The following WDR62 variants were observed in gnomAD, a reference collection of about 807,000 sequenced individuals.
WDR62 encodes the protein WD repeat domain 62, also known as WD repeat-containing protein 62.
In WDR62, 112 loss-of-function variants were observed where a neutral mutation model predicts 160.6. That is an observed-to-expected ratio of 0.70 (90% CI 0.60 to 0.82). The LOEUF is 0.82. WDR62 is among the 40% of genes least tolerant of loss of function. WDR62 has a pLI of 0.00. For synonymous variants in WDR62, 792 were observed against 815.1 expected, an observed-to-expected ratio of 0.97 and a Z score of 0.48; for missense variants, 1,819 against 1,983.8, an observed-to-expected ratio of 0.92 and a Z score of 1.58.
chr19:36,096,463 T>C (rs1972960734), intron 20 of WDR62, among the ~76,000 whole-genome samples: 1 of 151,846 alleles, frequency 6.6e-6, no homozygotes, highest in Non-Finnish European at 1.5e-5. Context: ...CCCAGCACTT[T>C]GGGAGGCCGA....
rs770669459 is a variant in WDR62, at chr19:36,103,226, G to A, written c.3514+19G>A. ...CCACCACGTGAGTGCCCCAGTCCCA[G>A]ACGGACAGTCCTGGGTTTCTCGGCG... On this transcript the variant is annotated intron_variant, in intron 29 of 31. Coordinates refer to ENST00000401500, the MANE Select transcript of WDR62 (RefSeq NM_001083961.2). 1 of 1,613,288 alleles carries A rather than the reference G, an allele frequency of 6.2e-7. No homozygotes were observed. The highest frequency in any genetic ancestry group is 1.1e-5 in the South Asian group (1 of 91,080).
downstream of WDR62, chr19:36,105,151 C>A: frequency 7.7e-7 from 1 of 1,292,752 alleles, no homozygotes; most frequent in Non-Finnish European, 1.1e-6. Context: ...AAGCCCTCTT[C>A]AAGTGGAAGT....
At chr19:36,072,205 A>C (rs975681427) in intron 8 of WDR62, among the ~76,000 whole-genome samples, 2 of 152,178 alleles carry the variant, frequency 1.3e-5, no homozygotes, top group African/African-American at 2.4e-5. Flanking sequence ...CACAGCAGGG[A>C]CTCGGGAAGG....
chr19:36,095,484 C>T (rs184047120), intron 20 of WDR62, among the ~76,000 whole-genome samples: 149 of 152,320 alleles, frequency 9.8e-4, no homozygotes, highest in African/African-American at 3.3e-3. Context: ...ACTCACACCA[C>T]CTGACCAGGC....
At chr19:36,056,785 C>T (rs902547041) in intron 1 of WDR62, among the ~76,000 whole-genome samples, 1 of 151,620 alleles carries the variant, frequency 6.6e-6, no homozygotes, top group Non-Finnish European at 1.5e-5. Context: ...TTCTTCCTGG[C>T]AGGTTATGAA....
intron 3 of WDR62, 72 bp from the exon 4 acceptor site, chr19:36,065,886 A>T: frequency 6.9e-7 from 1 of 1,456,246 alleles, no homozygotes; most frequent in Non-Finnish European, 9.7e-7. Flanking sequence ...GAGTCCTATC[A>T]GAGTCGCCAG....
chr19:36,069,296 G>T (rs1971144858), intron 7 of WDR62, among the ~76,000 whole-genome samples: 1 of 151,556 alleles, frequency 6.6e-6, no homozygotes, highest in Non-Finnish European at 1.5e-5. Context: ...CGGGCGGAGG[G>T]GCTCCTCACT....
chr19:36,090,361 G>C lies in WDR62; in HGVS notation c.1959-84G>C, dbSNP rs3746271. On this transcript the variant is annotated intron_variant, in intron 15 of 31. Coordinates refer to ENST00000401500, the MANE Select transcript of WDR62 (RefSeq NM_001083961.2). ...CAAGAGGTAGCAGGGGGCTTCCAGG[G>C]GAGGGGAGGACAGCAAGAGCCAGAG... The C allele has an allele frequency of 0.45, 591,823 of 1,323,810 alleles. 135,666 individuals are homozygous for C. The highest frequency in any genetic ancestry group is 0.59 in the East Asian group (25,401 of 43,310). The allele number at this position is 1,323,810 out of a possible 1,614,324, so 82.0% of individuals were successfully genotyped here. A position where few individuals can be genotyped will look rare whatever the true frequency, so the allele number is the denominator to read the frequency against.
At chr19:36,066,579 T>C in intron 5 of WDR62, 152 bp downstream of exon 5, 3 of 844,428 alleles carry the variant, frequency 3.6e-6, no homozygotes, top group Non-Finnish European at 5.7e-6. Context: ...GCTGATCCCT[T>C]ATTGTAGGGC....
chr19:36,068,611 C>T (rs770862281), intron 7 of WDR62, among the ~76,000 whole-genome samples: 2 of 152,182 alleles, frequency 1.3e-5, no homozygotes, highest in Non-Finnish European at 2.9e-5. Flanking sequence ...CATCTTGCAC[C>T]GCCCTTAATG....
Position 36,092,791 on chromosome 19 carries a change from G to C in WDR62, c.2313G>C (p.Lys771Asn). The change falls in exon 19 of 32, where the codon AAG (lysine) becomes AAC (asparagine). Residue 771 changes from lysine to asparagine, a missense_variant. Transcript: ENST00000401500. The part of the protein sequence containing the change: ...HRQQQQHTND[K>N]KRSGHPRQDT... Reference sequence around the variant, plus strand: ...AGCAGCAGCAGCACACAAATGACAAGAAGCGGAGTGGCCACCCCAGGTCCT... The same window carrying C: ...AGCAGCAGCAGCACACAAATGACAACAAGCGGAGTGGCCACCCCAGGTCCT... 1 of 1,614,090 alleles carries C rather than the reference G, an allele frequency of 6.2e-7. No individual in the cohort carries two copies. The highest frequency in any genetic ancestry group is 1.1e-5 in the South Asian group (1 of 91,086).
At chr19:36,093,278 A>G (rs910145187) in intron 19 of WDR62, among the ~76,000 whole-genome samples, 6 of 152,102 alleles carry the variant, frequency 3.9e-5, no homozygotes, top group African/African-American at 1.2e-4. Context: ...AGGGGATCTG[A>G]GGGGAGGGCT....
Position 36,067,889 on chromosome 19 carries a change from T to C in WDR62, c.761T>C (p.Ile254Thr), listed in dbSNP as rs780226596. Reference sequence around the variant, plus strand: ...ATCCTGGGCGAGCTGCACAACAACATCTTCTGTGGTGTGGCCTGCGGTCGG... The same window carrying C: ...ATCCTGGGCGAGCTGCACAACAACACCTTCTGTGGTGTGGCCTGCGGTCGG... Reference protein sequence around the residue: ...SGILGELHNNIFCGVACGRGR... With the variant: ...SGILGELHNNTFCGVACGRGR... Residue 254 changes from isoleucine (I) to threonine (T), a missense_variant, in exon 7 of 32, where the codon ATC (isoleucine) becomes ACC (threonine). Around this residue, in one of 3 missense-constraint regions of WDR62, gnomAD observed 934 missense variants for 1,157.2 expected, o/e 0.81. Transcript: ENST00000401500. 20 of 1,614,020 alleles carry C rather than the reference T, an allele frequency of 1.2e-5. No individual in the cohort carries two copies. The South Asian group carries it at 2.2e-4, about 18-fold the overall frequency.
At chr19:36,069,798 G>C (rs1002426771) in intron 7 of WDR62, among the ~76,000 whole-genome samples, 4 of 152,362 alleles carry the variant, frequency 2.6e-5, no homozygotes, top group African/African-American at 9.6e-5. Context: ...AGACCAGCCC[G>C]GCCAACACAG....
At position 36,071,662 on chromosome 19, in the gene WDR62, A is replaced by T; in HGVS notation, c.989A>T (p.Asn330Ile). ...FQAHSLHYLA[N>I]LPKPHYLGVD... ...GCCCATAGCCTGCACTACCTCGCCA[A>T]CCTGCCCAAGCCACACTACCTTGGG... The change falls in exon 8 of 32, where the codon AAC (asparagine) becomes ATC (isoleucine). Residue 330 changes from asparagine (N) to isoleucine (I), a missense_variant. Physicochemically the swap from Asn to Ile is moderately radical, Grantham distance 149 (BLOSUM62 -3). Transcript: ENST00000401500. 5.0e-6 allele frequency: 8 copies of T among 1,614,190 alleles called. No individual in the cohort carries two copies. The highest frequency in any genetic ancestry group is 6.8e-6 in the Non-Finnish European group (8 of 1,180,032).
intron 11 of WDR62, among the ~76,000 whole-genome samples, chr19:36,083,963 G>A (rs1306566173): frequency 6.6e-6 from 1 of 152,184 alleles, no homozygotes; most frequent in Non-Finnish European, 1.5e-5. Context: ...GTCACTGTAT[G>A]AGACCAGCTC....
In WDR62 at chr19:36,059,670, A is replaced by G. The variant is rs74843190; in HGVS notation, c.270-298A>G. ...GGCTGGTCTAAAACTCCTGAGCTCA[A>G]GTGATCCCTCCTGCCCCATACTCCC... On this transcript the variant is annotated intron_variant, in intron 2 of 31. Transcript: ENST00000401500. Among the ~76,000 whole-genome samples the G allele has an allele frequency of 9.1e-3, 1,388 of 152,226 alleles. 27 individuals are homozygous for G. Among genetic ancestry groups the G allele is most frequent in the African/African-American group, 0.032 (1,340 of 41,510 alleles).
chr19:36,097,221 C>A (rs1036397111), intron 21 of WDR62, 142 bp downstream of exon 21: 9 of 800,400 alleles, frequency 1.1e-5, no homozygotes, highest in African/African-American at 1.7e-5. Flanking sequence ...AGTGAGACAG[C>A]CCTTTGTTCA....
chr19:36,058,894 G>T, intron 2 of WDR62, 23 bp downstream of exon 2: 1 of 1,587,990 alleles, frequency 6.3e-7, no homozygotes, highest in South Asian at 1.1e-5. Context: ...GGGCCTCGAC[G>T]TCTAATCATT....
Sources: gnomAD v4.1 joint callset for allele counts (sites outside exome capture counted in the v4.1 genomes callset) on GRCh38, gnomAD v4.1.1 for gene constraint, gnomAD v4.1.1 regional missense constraint, MANE v1.5 for transcripts, NCBI Gene and HGNC (gene_info 2026-07-23, HGNC 2026-07-21) for gene names.